The following VWF variants were observed in gnomAD, a reference collection of about 807,000 sequenced individuals.
VWF encodes the protein Factor VIII related antigen.
In VWF, 176 loss-of-function variants were observed where a neutral mutation model predicts 308.6. The observed-to-expected ratio is 0.57, with a 90% CI of 0.50 to 0.65. The LOEUF (loss-of-function observed/expected upper bound fraction) is 0.65, where lower values mean the gene tolerates loss of function less well. Among genes scored for constraint, VWF ranks in the 30% least tolerant of loss-of-function variants. The pLI is 0.00. For synonymous variants in VWF, 1,385 were observed against 1,443.4 expected (o/e 0.96, Z 0.92); for missense variants, 3,146 against 3,648.2 (o/e 0.86, Z 3.55).
rs796891068 is a variant in VWF, at chr12:6,032,875, T to TACAC, written c.2686-1301_2686-1298dup. Among the ~76,000 whole-genome samples, 448 of 143,302 alleles carry TACAC rather than the reference T, an allele frequency of 3.1e-3. 3 individuals are homozygous for TACAC. The highest frequency in any genetic ancestry group is 0.014 in the South Asian group (65 of 4,692). The allele number at this position is 143,302 out of a possible 152,430, so 94.0% of individuals were successfully genotyped here. On this transcript the variant is annotated intron_variant, in intron 20 of 51. Transcript: ENST00000261405. ...GCACACACATACACCCATGTACTCA[T>TACAC]ACACACACACACGCATACACATACA...
At chr12:5,964,018 TAACACGGTGA>T (rs1466106826) in intron 47 of VWF, among the ~76,000 whole-genome samples, 33 of 146,346 alleles carry the variant, frequency 2.3e-4, no homozygotes, top group South Asian at 1.5e-3. Flanking sequence ...CCATTCTGGT[TAACACGGTGA>T]AACCCCGTCT....
At chr12:6,059,013 C>T (rs1017666264) in intron 13 of VWF, among the ~76,000 whole-genome samples, 1 of 152,180 alleles carries the variant, frequency 6.6e-6, no homozygotes, top group African/African-American at 2.4e-5. Context: ...CCCTCAGGGG[C>T]TAGGGTCAGC....
chr12:6,051,446 C>G (rs1944510738), intron 16 of VWF, among the ~76,000 whole-genome samples: 1 of 152,084 alleles, frequency 6.6e-6, no homozygotes, highest in Non-Finnish European at 1.5e-5. Context: ...CACCCGCTAC[C>G]ACACCCAGCT....
chr12:5,988,584 T>C (rs1366906260), intron 38 of VWF, among the ~76,000 whole-genome samples: 2 of 152,188 alleles, frequency 1.3e-5, no homozygotes, highest in Non-Finnish European at 2.9e-5. Context: ...CAAAAGCAGG[T>C]GTCCAACCTC....
chr12:5,967,476 CCT>C lies in VWF; in HGVS notation c.7887+8_7887+9del. On this transcript the variant is annotated splice_region_variant and intron_variant, in intron 47 of 51. Transcript: ENST00000261405. ...GTCCATGCCCTCGGTCCCCATTGAG[CCT>C]CTCTTACCAGGGGGCAGGGGTTGCA... 6.2e-7 allele frequency: 1 copy of C among 1,613,712 alleles called. No homozygotes were observed. Among genetic ancestry groups the C allele is most frequent in the South Asian group, 1.1e-5 (1 of 91,080 alleles).
intron 38 of VWF, among the ~76,000 whole-genome samples, chr12:5,989,179 G>A (rs1943710791): frequency 6.6e-6 from 1 of 152,214 alleles, no homozygotes; most frequent in Non-Finnish European, 1.5e-5. Context: ...GGGACAGCCT[G>A]TGCAGGCTCT....
chr12:5,994,604 T>C lies in VWF; in HGVS notation c.6067A>G (p.Thr2023Ala). ...SVELHSDMEVTVNGRLVSVPY... is the reference protein window; with the variant it reads ...SVELHSDMEVAVNGRLVSVPY... Reference sequence around the variant, plus strand: ...ACAGAGACCAGTCTCCCATTCACCGTCACCTGCACAAAGAAGAAAGAGCTC... The same window carrying C: ...ACAGAGACCAGTCTCCCATTCACCGCCACCTGCACAAAGAAGAAAGAGCTC... The change falls in exon 36 of 52, where the codon ACG becomes GCG. Residue 2023 changes from threonine (T) to alanine (A), a missense_variant. Physicochemically the swap from Thr to Ala is moderately conservative, Grantham distance 58 (BLOSUM62 0). Transcript: ENST00000261405. 1 of 1,613,884 alleles carries C rather than the reference T, an allele frequency of 6.2e-7. No individual in the cohort carries two copies. The highest frequency in any genetic ancestry group is 1.1e-5 in the South Asian group (1 of 91,066).
In VWF at chr12:5,949,804, C is replaced by T; in HGVS notation, c.8235G>A (p.Val2745=). ...CCCTTACCTGGCAGTAGTGGATATC[C>T]ACCTCTACTTCAGACTTACAGCTTC... ...KVGSCKSEVE[V]DIHYCQGKCA... is the part of the protein sequence containing the mutation. Residue 2745 remains valine (V), a synonymous_variant, in exon 51 of 52, where the codon GTG becomes GTA. Coordinates refer to ENST00000261405, the MANE Select transcript of VWF (RefSeq NM_000552.5). 6.2e-7 allele frequency: 1 copy of T among 1,614,144 alleles called. No individual in the cohort carries two copies. Among genetic ancestry groups the T allele is most frequent in the South Asian group, 1.1e-5 (1 of 91,070 alleles).
intron 7 of VWF, 42 bp from the exon 8 acceptor site, chr12:6,073,783 AC>A: frequency 6.2e-7 from 1 of 1,612,552 alleles, no homozygotes; most frequent in Non-Finnish European, 8.5e-7. Flanking sequence ...GGCAGGTCCC[AC>A]CGGTGCATCA....
intron 34 of VWF, among the ~76,000 whole-genome samples, chr12:5,999,897 A>C (rs1332883656): frequency 1.3e-5 from 2 of 152,122 alleles, no homozygotes; most frequent in African/African-American, 2.4e-5. Context: ...TGAAATAAAG[A>C]CTAAATTATA....
intron 38 of VWF, among the ~76,000 whole-genome samples, chr12:5,991,297 T>C (rs1317003646): frequency 1.3e-5 from 2 of 151,982 alleles, no homozygotes; most frequent in Non-Finnish European, 2.9e-5. Flanking sequence ...TTAAAAAGAC[T>C]AAAGAGTTCT....
chr12:6,070,204 C>T (rs1037705595), intron 10 of VWF, among the ~76,000 whole-genome samples: 1 of 152,220 alleles, frequency 6.6e-6, no homozygotes, highest in Non-Finnish European at 1.5e-5. Flanking sequence ...TTTTCTCCTT[C>T]GTGCCTTCTT....
In VWF at chr12:6,063,644, C is replaced by T. The variant is rs1490458934; in HGVS notation, c.1433-590G>A. On this transcript the variant is annotated intron_variant, in intron 12 of 51. Coordinates refer to ENST00000261405, the MANE Select transcript of VWF (RefSeq NM_000552.5). The surrounding 1 kb of genome is among the most constrained non-coding windows in gnomAD (Gnocchi z 4.9). The stretch of plus-strand genomic sequence containing the variant: ...TGTGCAATGCTAGGATAATGGGCGA[C>T]AAAGTGGCCAGCAGTTGTGGAGAAG... Among the ~76,000 whole-genome samples, 5 of 152,186 alleles carry T rather than the reference C, an allele frequency of 3.3e-5. No homozygotes were observed. The highest frequency in any genetic ancestry group is 7.3e-5 in the Non-Finnish European group (5 of 68,030).
chr12:6,046,058 A>G lies in VWF; in HGVS notation c.2281+665T>C, dbSNP rs1414948439. The stretch of plus-strand genomic sequence containing the variant: ...GCCAACATGGCAAAACCCCGTCTCT[A>G]CTAAAAATACAAAAAATTAGCCAGG... On this transcript the variant is annotated intron_variant, in intron 17 of 51. Coordinates refer to ENST00000261405, the MANE Select transcript of VWF (RefSeq NM_000552.5). This position sits in a 1 kb window ranked among gnomAD's most constrained non-coding sequence, Gnocchi z 5.0. Among the ~76,000 whole-genome samples the G allele has an allele frequency of 1.3e-5, 2 of 152,068 alleles. No individual in the cohort carries two copies. Among genetic ancestry groups the G allele is most frequent in the Admixed American group, 6.5e-5 (1 of 15,268 alleles).
rs967403622 is a variant in VWF at position 6,046,917 on chromosome 12, G to T, written c.2187-100C>A. The stretch of plus-strand genomic sequence containing the variant: ...CTCACTCTCTGCCCCTTCCAACCAG[G>T]TCCCAGTCCCATAACCCCTCCTGAA... On this transcript the variant is annotated intron_variant, in intron 16 of 51. Transcript: ENST00000261405. This position sits in a 1 kb window ranked among gnomAD's most constrained non-coding sequence, Gnocchi z 5.0. 9.7e-7 allele frequency: 1 copy of T among 1,033,162 alleles called. No individual in the cohort carries two copies. The highest frequency in any genetic ancestry group is 1.6e-5 in the African/African-American group (1 of 63,260). The allele number at this position is 1,033,162 out of a possible 1,614,324, so 64.0% of individuals were successfully genotyped here.
rs1943429015 is a variant in VWF at position 5,968,293 on chromosome 12, T to TC, written c.7730-127dup. ...CTCCCTCCTGTATCGGTCGGCCCTT[T>TC]CCCCCCACCCCACAACCCAGCGCTG... On this transcript the variant is annotated intron_variant, in intron 45 of 51. Coordinates refer to ENST00000261405, the MANE Select transcript of VWF (RefSeq NM_000552.5). The TC allele has an allele frequency of 4.2e-6, 5 of 1,179,818 alleles. No homozygotes were observed. In the South Asian group the frequency reaches 5.6e-5, roughly 13 times the overall value. 73.1% of individuals were successfully genotyped at this position (1,179,818 alleles called of 1,614,324 possible).
intron 34 of VWF, among the ~76,000 whole-genome samples, chr12:5,999,118 C>T (rs982660040): frequency 2.6e-5 from 4 of 152,154 alleles, no homozygotes; most frequent in Admixed American, 6.5e-5. Context: ...TAACTGTTAG[C>T]CTTTGTCATG....
chr12:5,973,983 C>A (rs1334924197), intron 43 of VWF, among the ~76,000 whole-genome samples: 1 of 152,176 alleles, frequency 6.6e-6, no homozygotes, highest in Admixed American at 6.5e-5. Context: ...TGCCTGCCAC[C>A]ATTCCTCTGA....
chr12:6,098,963 C>G (rs1238579663), intron 5 of VWF, among the ~76,000 whole-genome samples: 5 of 151,840 alleles, frequency 3.3e-5, no homozygotes, highest in African/African-American at 1.2e-4. Context: ...CATTGTGAAG[C>G]TGGGACCCTT....
Sources: gnomAD v4.1 joint callset for allele counts (sites outside exome capture counted in the v4.1 genomes callset) on GRCh38, gnomAD v4.1.1 for gene constraint, Gnocchi (gnomAD v3.1) non-coding constraint, MANE v1.5 for transcripts, NCBI Gene and HGNC (gene_info 2026-07-23, HGNC 2026-07-21) for gene names.